CCDC171: variants seen among roughly 807,000 people sequenced by gnomAD.
CCDC171 encodes coiled-coil domain-containing protein 171.
A neutral mutation model predicts 168.2 loss-of-function variants in CCDC171; 177 were observed. The ratio of observed to expected loss-of-function variants is 1.05; its 90% confidence interval spans 0.93 to 1.19. The LOEUF (loss-of-function observed/expected upper bound fraction) is 1.19, where lower values mean the gene tolerates loss of function less well. CCDC171 is among the 50% of genes most tolerant of loss of function. CCDC171 has a pLI of 0.00. For synonymous variants in CCDC171, 687 were observed against 540.8 expected (o/e 1.27, Z -3.75); for missense variants, 1,991 against 1,539.0 (o/e 1.29, Z -4.91).
At chr9:15,764,190 C>A (rs1260345214) in intron 18 of CCDC171, among the ~76,000 whole-genome samples, 2 of 152,118 alleles carry the variant, frequency 1.3e-5, no homozygotes, top group African/African-American at 2.4e-5. Flanking sequence ...AACACCTGCA[C>A]CCACATTATG....
rs1291888488 is a variant in CCDC171, at chr9:15,744,618, CG to C, written c.2396del (p.Arg799LeufsTer37). On this transcript the variant is annotated frameshift_variant, in exon 17 of 26. Coordinates refer to ENST00000380701, the MANE Select transcript of CCDC171 (RefSeq NM_173550.4). LOFTEE classifies it high-confidence loss of function. ...AAAGAAAACATTCAAAGGATTGATACGTATATTTCGGAAAGGTGTTATTGCT... is the reference window on the plus strand; with the variant it reads ...AAAGAAAACATTCAAAGGATTGATACTATATTTCGGAAAGGTGTTATTGCT... ...MKKKTFKGLIRIFRKGVIAVL... is the reference protein window; with the variant it reads ...MKKKTFKGLIXIFRKGVIAVL... 2.5e-6 allele frequency: 4 copies of C among 1,614,020 alleles called. No individual in the cohort carries two copies. The African/African-American group carries it at 5.3e-5, about 22-fold the overall frequency.
chr9:15,837,826 A>C (rs562598457), intron 21 of CCDC171, among the ~76,000 whole-genome samples: 78 of 152,384 alleles, frequency 5.1e-4, no homozygotes, highest in Middle Eastern at 3.4e-3. Context: ...CACGATGGGA[A>C]AGCCGGTACC....
At chr9:15,922,020 T>G (rs1420988674) in intron 25 of CCDC171, 1 of 168,602 alleles carries the variant, frequency 5.9e-6, no homozygotes, top group Non-Finnish European at 1.3e-5. Context: ...GTTACGCTAC[T>G]GATATCTTAA....
chr9:15,672,042 C>G (rs990084058), intron 9 of CCDC171, among the ~76,000 whole-genome samples: 6 of 152,228 alleles, frequency 3.9e-5, no homozygotes, highest in Non-Finnish European at 7.3e-5. Context: ...GATCGCCATT[C>G]TAACTGGTGT....
At chr9:15,892,306 T>G (rs1429768147) in intron 24 of CCDC171, among the ~76,000 whole-genome samples, 1 of 152,138 alleles carries the variant, frequency 6.6e-6, no homozygotes, top group Non-Finnish European at 1.5e-5. Flanking sequence ...GCTTCCAGCT[T>G]CTGCCAATTC....
At position 15,855,741 on chromosome 9, in the gene CCDC171, A is replaced by G. The variant is rs114385992; in HGVS notation, c.3468+6794A>G. Among the ~76,000 whole-genome samples, 121 of 151,974 alleles carry G rather than the reference A, an allele frequency of 8.0e-4. 1 individual carries two copies. Among genetic ancestry groups the G allele is most frequent in the African/African-American group, 2.8e-3 (118 of 41,492 alleles). On this transcript the variant is annotated intron_variant, in intron 23 of 25. Transcript: ENST00000380701. ...CTTAGTGTTACCCTTGGTGATTATA[A>G]TTAACATCTTAATTCAAAACAATCT...
At chr9:15,614,712 G>T (rs2043957081) in intron 6 of CCDC171, among the ~76,000 whole-genome samples, 1 of 152,052 alleles carries the variant, frequency 6.6e-6, no homozygotes, top group Non-Finnish European at 1.5e-5. Flanking sequence ...CTTCATGTTG[G>T]ATAATTTTTA....
intron 7 of CCDC171, 113 bp from the exon 8 acceptor site, chr9:15,657,014 A>C: frequency 6.3e-6 from 3 of 474,000 alleles, no homozygotes; most frequent in Non-Finnish European, 1.1e-5. Context: ...AAAAAAAAAA[A>C]TGAGGCTGCA....
At chr9:16,034,729 A>G (rs1833431730) in intron 6 of CCDC171, among the ~76,000 whole-genome samples, 1 of 152,172 alleles carries the variant, frequency 6.6e-6, no homozygotes. Flanking sequence ...TGGAAAGCTA[A>G]TATAGCATGA....
chr9:16,104,571 A>G, the CCDC171 span, among the ~76,000 whole-genome samples: 4 of 152,128 alleles, frequency 2.6e-5, no homozygotes. Flanking sequence ...GGGAGGCAGG[A>G]TTACAGGAAG....
chr9:15,990,524 G>T (rs887009045), intron 3 of CCDC171, among the ~76,000 whole-genome samples: 2 of 152,134 alleles, frequency 1.3e-5, no homozygotes. Flanking sequence ...CAACTAACGA[G>T]CAAAATGACC....
the CCDC171 span, among the ~76,000 whole-genome samples, chr9:16,080,258 G>C: frequency 6.6e-6 from 1 of 152,242 alleles, no homozygotes; most frequent in East Asian, 1.9e-4. Flanking sequence ...ATTCAATTGG[G>C]AAATGGTCTA....
intron 6 of CCDC171, among the ~76,000 whole-genome samples, chr9:15,607,436 A>T (rs2043308906): frequency 6.6e-6 from 1 of 151,936 alleles, no homozygotes; most frequent in African/African-American, 2.4e-5. Flanking sequence ...ATCATACAGG[A>T]TGCTTCTTTG....
intron 25 of CCDC171, among the ~76,000 whole-genome samples, chr9:15,943,947 G>A (rs1291288217): frequency 6.6e-6 from 1 of 151,954 alleles, no homozygotes; most frequent in African/African-American, 2.4e-5. Flanking sequence ...GAATGATAGG[G>A]CTTGAACAAG....
At chr9:15,975,413 A>G (rs1425517106), downstream of CCDC171, among the ~76,000 whole-genome samples, 1 of 152,200 alleles carries the variant, frequency 6.6e-6, no homozygotes, top group African/African-American at 2.4e-5. Context: ...AGCTAGGAAT[A>G]ATTTTGATAA....
At position 15,723,681 on chromosome 9, in the gene CCDC171, GA is replaced by G; in HGVS notation, c.1430del (p.Lys477ArgfsTer13). 2 of 1,591,652 alleles carry G rather than the reference GA, an allele frequency of 1.3e-6. No homozygotes were observed. The highest frequency in any genetic ancestry group is 1.1e-5 in the South Asian group (1 of 87,650). On this transcript the variant is annotated frameshift_variant and splice_region_variant, in exon 13 of 26. Transcript: ENST00000380701. LOFTEE classifies it high-confidence loss of function. The part of the protein sequence containing the change: ...QNKLEDASNE[E>X]KACNELDSTK... ...GCTAAACAGCATGAATGATGTTAAG[GA>G]AAAGGCATGTAATGAACTTGATTCT...
intron 3 of CCDC171, among the ~76,000 whole-genome samples, chr9:16,017,208 T>A (rs1192019438): frequency 6.6e-6 from 1 of 152,190 alleles, no homozygotes; most frequent in Non-Finnish European, 1.5e-5. Context: ...GTCTATACCC[T>A]TTATCCAGAA....
intron 6 of CCDC171, among the ~76,000 whole-genome samples, chr9:16,027,967 G>A (rs1833305054): frequency 6.6e-6 from 1 of 152,106 alleles, no homozygotes; most frequent in African/African-American, 2.4e-5. Flanking sequence ...GTATCACTAG[G>A]TGTAAGGGGT....
Position 16,001,837 on chromosome 9 carries a change from C to CT in CCDC171, n.369-18734dup, listed in dbSNP as rs35583305. Among the ~76,000 whole-genome samples, 804 of 128,002 alleles carry CT rather than the reference C, an allele frequency of 6.3e-3. 8 individuals are homozygous for CT. Among genetic ancestry groups the CT allele is most frequent in the African/African-American group, 0.015 (511 of 35,166 alleles). The allele number at this position is 128,002 out of a possible 152,430, so 84.0% of individuals were successfully genotyped here. A position where few individuals can be genotyped will look rare whatever the true frequency, so the allele number is the denominator to read the frequency against. On this transcript the variant is annotated intron_variant and non_coding_transcript_variant, in intron 3 of 9. Transcript: ENST00000486641. ...TGTTACTGGTTTACGGATTTATTAT[C>CT]TTTTTTTTTTTTTTTTTTGAGACAG...
Sources: gnomAD v4.1 joint callset for allele counts (sites outside exome capture counted in the v4.1 genomes callset) on GRCh38, gnomAD v4.1.1 for gene constraint, MANE v1.5 for transcripts, NCBI Gene and HGNC (gene_info 2026-07-23, HGNC 2026-07-21) for gene names.